The following SYNDIG1 variants were observed in gnomAD, a reference collection of about 807,000 sequenced individuals.
SYNDIG1 encodes the protein synapse differentiation inducing 1.
A neutral mutation model predicts 19.4 loss-of-function variants in SYNDIG1; 9 were observed. That is an observed-to-expected ratio of 0.46 (90% CI 0.28 to 0.81). The LOEUF (loss-of-function observed/expected upper bound fraction) is 0.81, where lower values mean the gene tolerates loss of function less well. Ranked by LOEUF, SYNDIG1 falls within the 30% of genes least tolerant of loss-of-function variation. The pLI is 0.12. For synonymous variants in SYNDIG1, 141 were observed against 145.9 expected, an observed-to-expected ratio of 0.97 and a Z score of 0.24; for missense variants, 311 against 343.3, an observed-to-expected ratio of 0.91 and a Z score of 0.74.
At chr20:24,647,104 C>T (rs982165640) in intron 3 of SYNDIG1, among the ~76,000 whole-genome samples, 5 of 152,202 alleles carry the variant, frequency 3.3e-5, no homozygotes, top group Admixed American at 6.5e-5. Context: ...CCTGTCTTTC[C>T]TTTGGAATTC....
intron 1 of SYNDIG1, among the ~76,000 whole-genome samples, chr20:24,531,698 G>A (rs964962579): frequency 3.3e-5 from 5 of 152,040 alleles, no homozygotes; most frequent in African/African-American, 1.2e-4. Context: ...GTATAACTCT[G>A]TCACTTTTAC....
At chr20:24,510,399 T>C (rs2056713628) in intron 1 of SYNDIG1, among the ~76,000 whole-genome samples, 1 of 149,512 alleles carries the variant, frequency 6.7e-6, no homozygotes, top group South Asian at 2.1e-4. Context: ...GGAAACCCCA[T>C]CTGTACTTAA....
At chr20:24,514,474 C>A (rs2056819334) in intron 1 of SYNDIG1, among the ~76,000 whole-genome samples, 1 of 152,056 alleles carries the variant, frequency 6.6e-6, no homozygotes, top group African/African-American at 2.4e-5. Flanking sequence ...GGGTTGCAAT[C>A]CTAGTCTCTG....
intron 1 of SYNDIG1, among the ~76,000 whole-genome samples, chr20:24,489,739 G>A (rs560539683): frequency 3.5e-4 from 54 of 152,362 alleles, no homozygotes; most frequent in Middle Eastern, 6.8e-3. Context: ...ATGTCACTGC[G>A]GCATGGAGGG....
At chr20:24,513,455 G>A (rs145927484) in intron 1 of SYNDIG1, among the ~76,000 whole-genome samples, 4,079 of 152,248 alleles carry the variant, frequency 0.027, 181 homozygotes, top group African/African-American at 0.092. Flanking sequence ...TGAAAACCAT[G>A]GCACGAGAAC....
chr20:24,576,533 C>G (rs2058230165), intron 2 of SYNDIG1, among the ~76,000 whole-genome samples: 1 of 152,164 alleles, frequency 6.6e-6, no homozygotes, highest in African/African-American at 2.4e-5. Context: ...GGGGCTGGGT[C>G]AAGGCGGGGC....
intron 1 of SYNDIG1, among the ~76,000 whole-genome samples, chr20:24,542,087 G>A (rs6138318): frequency 0.5 from 75,843 of 151,974 alleles, 20,194 homozygotes; most frequent in East Asian, 0.65. Context: ...CGAAGGATGC[G>A]GAAATGACAA....
chr20:24,655,765 G>A (rs6049835), intron 3 of SYNDIG1, among the ~76,000 whole-genome samples: 95,350 of 148,716 alleles, frequency 0.64, 31,454 homozygotes, highest in African/African-American at 0.81. Flanking sequence ...AAATACATCT[G>A]TATACTCATC....
chr20:24,502,359 T>G (rs2056475781), intron 1 of SYNDIG1: 1 of 152,332 alleles, frequency 6.6e-6, no homozygotes, highest in African/African-American at 2.4e-5. Flanking sequence ...CCAGGACAAG[T>G]GGCGAGCAGG....
chr20:24,603,240 G>A (rs537431976), intron 3 of SYNDIG1, among the ~76,000 whole-genome samples: 11 of 152,178 alleles, frequency 7.2e-5, no homozygotes, highest in East Asian at 1.9e-4. Flanking sequence ...AAAAGTGTCC[G>A]GAGTTGGGAG....
rs1184627302 is a variant in SYNDIG1, at chr20:24,515,512, G to A, written c.-78-27508G>A. The stretch of plus-strand genomic sequence containing the variant: ...AAGTCTCAGGATACAAAATCAATGT[G>A]CAAAAATCACAAGCATTCTTATACA... On this transcript the variant is annotated intron_variant, in intron 1 of 3. Coordinates refer to ENST00000376862, the MANE Select transcript of SYNDIG1 (RefSeq NM_024893.3). Among the ~76,000 whole-genome samples, 11 of 151,986 alleles carry A rather than the reference G, an allele frequency of 7.2e-5. No homozygotes were observed. In the East Asian group the frequency reaches 1.5e-3, roughly 21 times the overall value.
intron 1 of SYNDIG1, among the ~76,000 whole-genome samples, chr20:24,484,860 C>A (rs138225441): frequency 0.011 from 1,652 of 152,192 alleles, 26 homozygotes; most frequent in African/African-American, 0.036. Flanking sequence ...GAAATTTGAT[C>A]CCCAATGTGG....
intron 1 of SYNDIG1, among the ~76,000 whole-genome samples, chr20:24,511,223 T>G (rs1248243294): frequency 1.3e-5 from 2 of 152,236 alleles, no homozygotes. Context: ...CATGACACTT[T>G]AACTGAAAAC....
chr20:24,508,141 G>A (rs945900777), intron 1 of SYNDIG1, among the ~76,000 whole-genome samples: 3 of 147,272 alleles, frequency 2.0e-5, no homozygotes, highest in African/African-American at 7.5e-5. Context: ...ACATAGATAA[G>A]AAAGGTGAGA....
intron 1 of SYNDIG1, among the ~76,000 whole-genome samples, chr20:24,502,952 A>G (rs2056491689): frequency 6.6e-6 from 1 of 152,232 alleles, no homozygotes; most frequent in Admixed American, 6.5e-5. Flanking sequence ...GAAATTAAGT[A>G]GATACGAACT....
chr20:24,572,356 G>C (rs2058157603), intron 2 of SYNDIG1, among the ~76,000 whole-genome samples: 1 of 152,240 alleles, frequency 6.6e-6, no homozygotes, highest in South Asian at 2.1e-4. Context: ...AGCTCAGAGA[G>C]ACTGGGCGGG....
At chr20:24,477,098 G>A (rs1233391600) in intron 1 of SYNDIG1, among the ~76,000 whole-genome samples, 1 of 152,220 alleles carries the variant, frequency 6.6e-6, no homozygotes, top group African/African-American at 2.4e-5. Flanking sequence ...CTTGCCTATT[G>A]CTAGACCTCG....
At chr20:24,649,141 A>G (rs1366447581) in intron 3 of SYNDIG1, among the ~76,000 whole-genome samples, 3 of 152,188 alleles carry the variant, frequency 2.0e-5, no homozygotes, top group Non-Finnish European at 4.4e-5. Flanking sequence ...AGCCTCCCCC[A>G]GGGACTGGAT....
rs146934865 is a variant in SYNDIG1 at position 24,605,205 on chromosome 20, G to T, written c.618+20212G>T. 5.3e-5 allele frequency among the ~76,000 whole-genome samples: 8 copies of T among 152,254 alleles called. No homozygotes were observed. The East Asian group carries it at 1.5e-3, about 29-fold the overall frequency. ...AGATGGGTGGGAAGGGTTTGCCGTGGGCCCACATCTACCTCCCTGGGTGAG... is the reference window on the plus strand; with the variant it reads ...AGATGGGTGGGAAGGGTTTGCCGTGTGCCCACATCTACCTCCCTGGGTGAG... On this transcript the variant is annotated intron_variant, in intron 3 of 3. Coordinates refer to ENST00000376862, the MANE Select transcript of SYNDIG1 (RefSeq NM_024893.3).
Sources: gnomAD v4.1 joint callset for allele counts (sites outside exome capture counted in the v4.1 genomes callset) on GRCh38, gnomAD v4.1.1 for gene constraint, MANE v1.5 for transcripts, NCBI Gene and HGNC (gene_info 2026-07-23, HGNC 2026-07-21) for gene names.